Variants in TENM4 observed in about 807,000 individuals in gnomAD.
The protein encoded by TENM4 is teneurin-4.
A neutral mutation model predicts 243.3 loss-of-function variants in TENM4; 82 were observed. The ratio of observed to expected loss-of-function variants is 0.34; its 90% CI spans 0.28 to 0.40. The LOEUF (loss-of-function observed/expected upper bound fraction) is 0.40. Ranked by LOEUF, TENM4 falls within the 10% of genes least tolerant of loss-of-function variation. TENM4 has a pLI of 1.00. For synonymous variants in TENM4, 1,412 were observed against 1,456.3 expected (o/e 0.97, Z 0.69); for missense variants, 3,138 against 3,673.3 (o/e 0.85, Z 3.77).
At chr11:78,778,192 C>G (rs1463274706) in intron 17 of TENM4, among the ~76,000 whole-genome samples, 1 of 152,118 alleles carries the variant, frequency 6.6e-6, no homozygotes, top group Non-Finnish European at 1.5e-5. Flanking sequence ...TCTTAACTTG[C>G]TCTTGGGTCT....
At chr11:79,190,614 A>G (rs1863460597) in intron 3 of TENM4, among the ~76,000 whole-genome samples, 1 of 152,194 alleles carries the variant, frequency 6.6e-6, no homozygotes, top group African/African-American at 2.4e-5. Context: ...AGCCCATTCA[A>G]ACAGACATAC....
chr11:78,783,478 T>C, intron 16 of TENM4, among the ~76,000 whole-genome samples: 1 of 152,128 alleles, frequency 6.6e-6, no homozygotes, highest in South Asian at 2.1e-4. Context: ...GGCTGATGGG[T>C]GTGCAGTTCT....
chr11:79,324,062 TG>T (rs1856935282), intron 1 of TENM4, among the ~76,000 whole-genome samples: 1 of 152,194 alleles, frequency 6.6e-6, no homozygotes, highest in South Asian at 2.1e-4. Context: ...GCATAGTTTT[TG>T]CATATAACCT....
chr11:78,962,631 T>G (rs1297705748), intron 6 of TENM4, among the ~76,000 whole-genome samples: 2 of 152,174 alleles, frequency 1.3e-5, no homozygotes, highest in African/African-American at 4.8e-5. Flanking sequence ...GCCTGTTCTT[T>G]AAGACATACC....
At chr11:78,740,004 GTCC>G (rs980461051) in intron 19 of TENM4, among the ~76,000 whole-genome samples, 37 of 152,342 alleles carry the variant, frequency 2.4e-4, no homozygotes, top group African/African-American at 8.9e-4. Context: ...CTGGTGCAAT[GTCC>G]TCAAGGATCC....
chr11:79,324,287 T>C (rs1213400494), intron 1 of TENM4, among the ~76,000 whole-genome samples: 1 of 152,100 alleles, frequency 6.6e-6, no homozygotes, highest in East Asian at 1.9e-4. Context: ...AGTGGTGAGA[T>C]CATAGCTCAG....
chr11:79,248,236 A>G (rs1855553155), intron 2 of TENM4, among the ~76,000 whole-genome samples: 1 of 152,230 alleles, frequency 6.6e-6, no homozygotes, highest in Admixed American at 6.5e-5. Context: ...TGGCACAGGC[A>G]AGGCATGGGA....
At chr11:78,785,242 G>A (rs1224766996) in intron 16 of TENM4, among the ~76,000 whole-genome samples, 1 of 152,088 alleles carries the variant, frequency 6.6e-6, no homozygotes, top group Non-Finnish European at 1.5e-5. Flanking sequence ...AAGTGTAAGG[G>A]AGGATGACAC....
intron 15 of TENM4, among the ~76,000 whole-genome samples, chr11:78,799,941 TTA>T (rs1461913771): frequency 1.3e-5 from 2 of 151,882 alleles, no homozygotes; most frequent in African/African-American, 4.8e-5. Context: ...AGGAATAAAT[TTA>T]TGAGGCTGAG....
intron 10 of TENM4, among the ~76,000 whole-genome samples, chr11:78,862,509 T>C (rs1157017473): frequency 6.6e-6 from 1 of 152,162 alleles, no homozygotes; most frequent in Non-Finnish European, 1.5e-5. Flanking sequence ...GTTTAGTAAA[T>C]GACAGACCAC....
chr11:79,214,606 A>G (rs1427717537), intron 3 of TENM4, among the ~76,000 whole-genome samples: 1 of 152,232 alleles, frequency 6.6e-6, no homozygotes, highest in Non-Finnish European at 1.5e-5. Context: ...AATAGAAATC[A>G]TATCTACTGT....
At chr11:79,081,304 G>T (rs556045213) in intron 4 of TENM4, among the ~76,000 whole-genome samples, 14 of 152,292 alleles carry the variant, frequency 9.2e-5, no homozygotes, top group African/African-American at 3.1e-4. Flanking sequence ...GCTCTGTTGA[G>T]CAGGGAAGGA....
chr11:79,188,005 A>T (rs1296939009), intron 3 of TENM4, among the ~76,000 whole-genome samples: 1 of 152,238 alleles, frequency 6.6e-6, no homozygotes, highest in East Asian at 1.9e-4. Context: ...ACAGTGTTTC[A>T]GTAGAGCTTG....
At chr11:78,892,641 G>A (rs1460596352) in intron 7 of TENM4, among the ~76,000 whole-genome samples, 1 of 152,186 alleles carries the variant, frequency 6.6e-6, no homozygotes, top group Admixed American at 6.5e-5. Context: ...GAGTACTAAT[G>A]CTAAGTATAA....
At chr11:78,745,123 C>A (rs1036178283) in intron 19 of TENM4, among the ~76,000 whole-genome samples, 1 of 151,994 alleles carries the variant, frequency 6.6e-6, no homozygotes, top group Non-Finnish European at 1.5e-5. Context: ...CAGACAGACA[C>A]GCATACAAAC....
chr11:79,332,699 A>C (rs1055588030), intron 1 of TENM4, among the ~76,000 whole-genome samples: 2 of 152,182 alleles, frequency 1.3e-5, no homozygotes, highest in African/African-American at 2.4e-5. Context: ...TAAGAGCTTA[A>C]GTAGACTATA....
chr11:78,768,326 C>T (rs1008213505), intron 18 of TENM4, among the ~76,000 whole-genome samples: 3 of 152,238 alleles, frequency 2.0e-5, no homozygotes, highest in Non-Finnish European at 4.4e-5. Flanking sequence ...GGTTCTATTT[C>T]CAACCATGAT....
chr11:78,764,008 G>A (rs1438430207), intron 18 of TENM4, among the ~76,000 whole-genome samples: 1 of 152,172 alleles, frequency 6.6e-6, no homozygotes, highest in Non-Finnish European at 1.5e-5. Context: ...GTGACTGGTG[G>A]GCCCTTGGGC....
intron 11 of TENM4, among the ~76,000 whole-genome samples, 173 bp downstream of exon 11, chr11:78,855,791 T>A (rs556866568): frequency 6.6e-6 from 1 of 152,212 alleles, no homozygotes; most frequent in Non-Finnish European, 1.5e-5. Context: ...CCCAGTGATA[T>A]AACCTTACTC....
Sources: allele counts gnomAD v4.1 joint callset (sites outside exome capture counted in the v4.1 genomes callset), GRCh38; gene constraint gnomAD v4.1.1; transcripts MANE v1.5; gene names NCBI Gene and HGNC (gene_info 2026-07-23, HGNC 2026-07-21).